The following SHISAL2A variants were observed in gnomAD, a reference collection of about 807,000 sequenced individuals.
The protein encoded by SHISAL2A is protein shisa-like-2A.
In SHISAL2A, 18 loss-of-function variants were observed where a neutral mutation model predicts 11.5. The observed-to-expected ratio is 1.57, with a 90% CI of 1.08 to 2.33. The LOEUF is 2.33. Among genes scored for constraint, SHISAL2A ranks in the 30% most tolerant of loss-of-function variants. The probability of loss-of-function intolerance (pLI) is 0.00; values close to 1 mark genes in which losing one functional copy is unlikely to be tolerated. For missense variants in SHISAL2A, 261 were observed against 250.9 expected (o/e 1.04, Z -0.27); for synonymous variants, 94 against 99.6 (o/e 0.94, Z 0.34).
chr1:52,646,136 C>T (rs1375210082), intron 2 of SHISAL2A, among the ~76,000 whole-genome samples: 1 of 152,094 alleles, frequency 6.6e-6, no homozygotes, highest in African/African-American at 2.4e-5. Flanking sequence ...TTGTCACATT[C>T]GGGGAAGGGA....
At chr1:52,667,724 T>A (rs889036049) in intron 5 of SHISAL2A, 1 of 152,164 alleles carries the variant, frequency 6.6e-6, no homozygotes, top group Non-Finnish European at 1.5e-5. Context: ...TGGCCTCTAT[T>A]TCAAAGAAGC....
intron 1 of SHISAL2A, among the ~76,000 whole-genome samples, chr1:52,635,549 G>A (rs1344646070): frequency 6.6e-6 from 1 of 152,020 alleles, no homozygotes; most frequent in Non-Finnish European, 1.5e-5. Flanking sequence ...TATTGGTATG[G>A]GTTACTGGTC....
chr1:52,640,597 ACT>A (rs979665486), intron 1 of SHISAL2A, among the ~76,000 whole-genome samples: 3 of 149,646 alleles, frequency 2.0e-5, no homozygotes, highest in Non-Finnish European at 4.5e-5. Flanking sequence ...GAGAATCAAG[ACT>A]CTGTCTCAAA....
chr1:52,634,267 G>C (rs992409518), intron 1 of SHISAL2A, among the ~76,000 whole-genome samples: 1 of 151,714 alleles, frequency 6.6e-6, no homozygotes, highest in Admixed American at 6.6e-5. Flanking sequence ...CTTAACCCTC[G>C]CCTGGTGCTA....
chr1:52,641,338 G>A (rs993935656), intron 1 of SHISAL2A, among the ~76,000 whole-genome samples: 1 of 152,190 alleles, frequency 6.6e-6, no homozygotes, highest in Non-Finnish European at 1.5e-5. Flanking sequence ...GGAGTCTTGT[G>A]GGACTGAGCC....
At chr1:52,653,572 C>T (rs1328929126) in intron 2 of SHISAL2A, among the ~76,000 whole-genome samples, 7 of 151,840 alleles carry the variant, frequency 4.6e-5, no homozygotes, top group Admixed American at 1.3e-4. Flanking sequence ...GATCATGTCA[C>T]TATACTCCAA....
intron 2 of SHISAL2A, among the ~76,000 whole-genome samples, chr1:52,645,698 C>A (rs1042050786): frequency 6.6e-6 from 1 of 152,284 alleles, no homozygotes; most frequent in East Asian, 1.9e-4. Context: ...TGTGAGCCAC[C>A]ACACCCAGCT....
At chr1:52,635,919 C>A (rs928348539) in intron 1 of SHISAL2A, among the ~76,000 whole-genome samples, 2 of 152,240 alleles carry the variant, frequency 1.3e-5, no homozygotes, top group African/African-American at 4.8e-5. Context: ...TCAGATTTCT[C>A]TCACTGTGAT....
intron 2 of SHISAL2A, among the ~76,000 whole-genome samples, chr1:52,649,979 A>G (rs1213853091): frequency 2.0e-5 from 3 of 152,184 alleles, no homozygotes. Flanking sequence ...AGAGAGAGGC[A>G]GTCATGTGCC....
chr1:52,652,754 A>G (rs769541272), intron 2 of SHISAL2A, among the ~76,000 whole-genome samples: 10 of 151,878 alleles, frequency 6.6e-5, no homozygotes, highest in Non-Finnish European at 1.2e-4. Context: ...TCATGAGGTC[A>G]GGAGATTGAA....
At chr1:52,641,158 A>T (rs943937443) in intron 1 of SHISAL2A, among the ~76,000 whole-genome samples, 2 of 152,160 alleles carry the variant, frequency 1.3e-5, no homozygotes, top group Middle Eastern at 3.2e-3. Context: ...ATCCTTTGTA[A>T]TATCCTTCCT....
At chr1:52,646,791 T>A (rs1325028622) in intron 2 of SHISAL2A, among the ~76,000 whole-genome samples, 3 of 152,174 alleles carry the variant, frequency 2.0e-5, no homozygotes, top group Non-Finnish European at 4.4e-5. Flanking sequence ...TGTATTTTTT[T>A]ATTTTTAATG....
At chr1:52,644,583 G>A (rs1339132174) in intron 2 of SHISAL2A, among the ~76,000 whole-genome samples, 1 of 152,186 alleles carries the variant, frequency 6.6e-6, no homozygotes, top group East Asian at 1.9e-4. Context: ...AATTAGCTGG[G>A]TGTGGTGGCA....
At position 52,633,309 on chromosome 1, in the gene SHISAL2A, T is replaced by A; in HGVS notation, c.-185T>A. On this transcript the variant is annotated 5_prime_UTR_variant, in exon 1 of 3. Coordinates refer to ENST00000517870, the MANE Select transcript of SHISAL2A (RefSeq NM_001042693.3). This position sits in a 1 kb window ranked among gnomAD's most constrained non-coding sequence, Gnocchi z 6.4. ...TACCCCTCCGCGCGGGCCGGGCACC[T>A]GGCCGCCGCTCGGTCCTCGGGGCCC... 1.9e-6 allele frequency: 1 copy of A among 523,728 alleles called. No individual in the cohort carries two copies. Among genetic ancestry groups the A allele is most frequent in the Non-Finnish European group, 3.1e-6 (1 of 321,802 alleles). The allele number at this position is 523,728 out of a possible 1,614,324, so 32.4% of individuals were successfully genotyped here.
chr1:52,634,327 A>G (rs931043809), intron 1 of SHISAL2A, among the ~76,000 whole-genome samples: 2 of 152,064 alleles, frequency 1.3e-5, no homozygotes, highest in African/African-American at 2.4e-5. Flanking sequence ...TCCCTTTTGT[A>G]TTTAGTCATT....
intron 1 of SHISAL2A, among the ~76,000 whole-genome samples, chr1:52,640,622 AC>A (rs1691343098): frequency 1.3e-5 from 2 of 151,890 alleles, no homozygotes; most frequent in Non-Finnish European, 1.5e-5. Context: ...AAAAAAAAAA[AC>A]AAACAAAAAA....
intron 2 of SHISAL2A, among the ~76,000 whole-genome samples, chr1:52,647,943 G>T (rs1013299276): frequency 8.0e-5 from 12 of 150,764 alleles, no homozygotes; most frequent in African/African-American, 2.9e-4. Flanking sequence ...AAGTGAGAAG[G>T]TTGGAAGGTT....
chr1:52,632,972 C>T (rs1464175132), upstream of SHISAL2A, among the ~76,000 whole-genome samples: 2 of 152,090 alleles, frequency 1.3e-5, no homozygotes, highest in Admixed American at 1.3e-4. Flanking sequence ...GTGTGGTCGC[C>T]GGCTGGTGCC....
intron 2 of SHISAL2A, among the ~76,000 whole-genome samples, chr1:52,647,173 G>A (rs902074801): frequency 6.6e-6 from 1 of 152,068 alleles, no homozygotes; most frequent in African/African-American, 2.4e-5. Flanking sequence ...TTAGGTTATA[G>A]TGCTGTTGGC....
Sources: allele counts gnomAD v4.1 joint callset (sites outside exome capture counted in the v4.1 genomes callset), GRCh38; gene constraint gnomAD v4.1.1; non-coding constraint Gnocchi (gnomAD v3.1); transcripts MANE v1.5; gene names NCBI Gene and HGNC (gene_info 2026-07-23, HGNC 2026-07-21).